The following GRID2 variants were observed in gnomAD, a reference collection of about 807,000 sequenced individuals.
GRID2 encodes the protein glutamate ionotropic receptor delta type subunit 2.
A neutral mutation model predicts 114.8 loss-of-function variants in GRID2; 33 were observed. The ratio of observed to expected loss-of-function variants is 0.29; its 90% confidence interval spans 0.22 to 0.38. The LOEUF (loss-of-function observed/expected upper bound fraction) is 0.38, where lower values mean the gene tolerates loss of function less well. Among genes scored for constraint, GRID2 ranks in the 10% least tolerant of loss-of-function variants. GRID2 has a pLI of 1.00. For synonymous variants in GRID2, 505 were observed against 449.9 expected (o/e 1.12, Z -1.55); for missense variants, 1,184 against 1,257.7 (o/e 0.94, Z 0.89).
At chr4:92,718,193 C>T (rs998898432) in intron 2 of GRID2, among the ~76,000 whole-genome samples, 1 of 151,674 alleles carries the variant, frequency 6.6e-6, no homozygotes, top group South Asian at 2.1e-4. Flanking sequence ...GAAAATATTC[C>T]CCAAATCAGG....
At chr4:92,420,594 A>G (rs1194498101) in intron 1 of GRID2, among the ~76,000 whole-genome samples, 1 of 152,170 alleles carries the variant, frequency 6.6e-6, no homozygotes, top group East Asian at 1.9e-4. Flanking sequence ...CACATAATAC[A>G]TCAATACAAA....
At chr4:92,704,604 T>A (rs977402238) in intron 2 of GRID2, among the ~76,000 whole-genome samples, 2 of 152,132 alleles carry the variant, frequency 1.3e-5, no homozygotes, top group African/African-American at 4.8e-5. Flanking sequence ...ATAACAGTGA[T>A]TGTATAGATG....
chr4:92,623,149 T>G (rs890701667), intron 2 of GRID2, among the ~76,000 whole-genome samples: 1 of 151,672 alleles, frequency 6.6e-6, no homozygotes, highest in South Asian at 2.1e-4. Context: ...TATTTTAAAA[T>G]AGTTATTTTA....
intron 2 of GRID2, among the ~76,000 whole-genome samples, chr4:92,655,617 A>G (rs1033481802): frequency 7.3e-5 from 11 of 151,356 alleles, no homozygotes; most frequent in Admixed American, 7.3e-4. Context: ...ATTTCTAAGT[A>G]TTCTTTTTTT....
intron 2 of GRID2, among the ~76,000 whole-genome samples, chr4:92,933,913 A>G (rs1352934926): frequency 6.6e-6 from 1 of 151,748 alleles, no homozygotes. Flanking sequence ...ATCTGAAAGT[A>G]GAAGGTAATT....
intron 11 of GRID2, among the ~76,000 whole-genome samples, chr4:93,487,209 C>G (rs1014271350): frequency 6.6e-6 from 1 of 151,786 alleles, no homozygotes; most frequent in Non-Finnish European, 1.5e-5. Context: ...TAAGTTTCAA[C>G]AGCTTATTTT....
At chr4:92,890,198 A>T (rs1279808776) in intron 2 of GRID2, among the ~76,000 whole-genome samples, 1 of 152,192 alleles carries the variant, frequency 6.6e-6, no homozygotes, top group Non-Finnish European at 1.5e-5. Flanking sequence ...TTCAGGACGT[A>T]GGTGTGGGCA....
intron 2 of GRID2, among the ~76,000 whole-genome samples, chr4:92,652,806 A>T (rs186963615): frequency 0.066 from 8,950 of 136,004 alleles, 703 homozygotes; most frequent in African/African-American, 0.13. Flanking sequence ...TGAAAAAAAA[A>T]ATATATATAT....
chr4:92,933,557 T>A (rs1750404733), intron 2 of GRID2, among the ~76,000 whole-genome samples: 1 of 151,554 alleles, frequency 6.6e-6, no homozygotes, highest in Non-Finnish European at 1.5e-5. Flanking sequence ...TAAGAAATGA[T>A]AAGCCATGCC....
At chr4:93,383,517 A>G (rs926496988) in intron 8 of GRID2, among the ~76,000 whole-genome samples, 7 of 152,184 alleles carry the variant, frequency 4.6e-5, no homozygotes, top group South Asian at 2.1e-4. Context: ...CAGAATATTT[A>G]TATCAGATAG....
chr4:92,471,408 T>A (rs750417393), intron 1 of GRID2, among the ~76,000 whole-genome samples: 6 of 152,034 alleles, frequency 3.9e-5, no homozygotes, highest in Non-Finnish European at 7.4e-5. Flanking sequence ...GTGGTTAGAC[T>A]GTTGGTAAGT....
chr4:93,739,678 G>C (rs1458659417), intron 14 of GRID2, among the ~76,000 whole-genome samples: 1 of 152,110 alleles, frequency 6.6e-6, no homozygotes. Context: ...ACCCGGCTAA[G>C]GTGAGAGCAC....
intron 1 of GRID2, among the ~76,000 whole-genome samples, chr4:92,462,478 A>T (rs1446447297): frequency 6.6e-6 from 1 of 152,032 alleles, no homozygotes; most frequent in Non-Finnish European, 1.5e-5. Context: ...AAGCAAAAAT[A>T]TATTTTGCCT....
chr4:92,833,958 A>G (rs1207362676), intron 2 of GRID2: 2 of 152,196 alleles, frequency 1.3e-5, no homozygotes, highest in African/African-American at 2.4e-5. Context: ...TTTTTAAAGG[A>G]TGTTTTCACA....
At chr4:93,302,886 T>C (rs917635037) in intron 8 of GRID2, among the ~76,000 whole-genome samples, 5 of 152,154 alleles carry the variant, frequency 3.3e-5, no homozygotes, top group Non-Finnish European at 1.5e-5. Flanking sequence ...TGAAACTTGG[T>C]TAAAGAATGT....
chr4:92,944,807 A>C (rs934364013), intron 2 of GRID2, among the ~76,000 whole-genome samples: 3 of 152,164 alleles, frequency 2.0e-5, no homozygotes, highest in Non-Finnish European at 4.4e-5. Flanking sequence ...TGTTGGACTT[A>C]TCAATATTTT....
chr4:92,448,269 G>A (rs1210859686), intron 1 of GRID2, among the ~76,000 whole-genome samples: 1 of 151,862 alleles, frequency 6.6e-6, no homozygotes, highest in African/African-American at 2.4e-5. Context: ...CTACCTCTCG[G>A]GTTCAAGTGA....
chr4:93,160,988 G>A (rs1383003626), intron 4 of GRID2, among the ~76,000 whole-genome samples: 1 of 151,816 alleles, frequency 6.6e-6, no homozygotes, highest in Non-Finnish European at 1.5e-5. Context: ...AACTGCCTCA[G>A]TCTAAAGAAA....
chr4:93,393,237 T>C (rs2149326547), intron 8 of GRID2, among the ~76,000 whole-genome samples: 1 of 152,036 alleles, frequency 6.6e-6, no homozygotes, highest in East Asian at 1.9e-4. Flanking sequence ...TGTTTGTACA[T>C]TTGAAGGAAG....
Sources: gnomAD v4.1 joint callset for allele counts (sites outside exome capture counted in the v4.1 genomes callset) on GRCh38, gnomAD v4.1.1 for gene constraint, MANE v1.5 for transcripts, NCBI Gene and HGNC (gene_info 2026-07-23, HGNC 2026-07-21) for gene names.